Variants in OR4P4 observed in about 807,000 individuals in gnomAD.
OR4P4 encodes the protein olfactory receptor family 4 subfamily P member 4.
A neutral mutation model predicts 2.1 loss-of-function variants in OR4P4; 1 was observed. The observed-to-expected ratio is 0.47, with a 90% confidence interval of 0.17 to 2.21. The LOEUF (loss-of-function observed/expected upper bound fraction) is 2.21, where lower values mean the gene tolerates loss of function less well. Among genes scored for constraint, OR4P4 ranks in the 30% most tolerant of loss-of-function variants. The pLI is 0.27. For synonymous variants in OR4P4, 129 were observed against 133.2 expected, an observed-to-expected ratio of 0.97 and a Z score of 0.22; for missense variants, 375 against 376.5, an observed-to-expected ratio of 1.00 and a Z score of 0.03.
chr11:55,635,408 C>T (rs1858376061), intron 1 of OR4P4, among the ~76,000 whole-genome samples, 192 bp downstream of exon 1: 1 of 137,660 alleles, frequency 7.3e-6, no homozygotes, highest in Non-Finnish European at 1.6e-5. Context: ...GAAAACAAGG[C>T]AAGTACTCCT....
intron 1 of OR4P4, among the ~76,000 whole-genome samples, chr11:55,635,737 C>T (rs1323422815): frequency 2.2e-5 from 3 of 137,234 alleles, no homozygotes; most frequent in South Asian, 2.4e-4. Flanking sequence ...CTTAGCATTG[C>T]CCTCATAAAC....
chr11:55,638,493 T>G lies in OR4P4; in HGVS notation c.136T>G (p.Ser46Ala), dbSNP rs199505410. Reference sequence around the variant, plus strand: ...GATGGGAAACTTACTCATAATGATTTCTATCACGTGCACCCAGCTCATTCA... The same window carrying G: ...GATGGGAAACTTACTCATAATGATTGCTATCACGTGCACCCAGCTCATTCA... Residue 46 changes from serine to alanine, a missense_variant, in exon 2 of 2, where the codon TCT becomes GCT. Ser to Ala is a moderately conservative substitution (Grantham distance 99). Coordinates refer to ENST00000641760, the Ensembl canonical transcript of OR4P4. 410 of 1,482,266 alleles carry G rather than the reference T, an allele frequency of 2.8e-4. 91 individuals are homozygous for G. Among genetic ancestry groups the G allele is most frequent in the Non-Finnish European group, 8.3e-5 (90 of 1,088,536 alleles). The allele number at this position is 1,482,266 out of a possible 1,614,324, so 91.8% of individuals were successfully genotyped here.
At chr11:55,637,431 T>C (rs1235093312) in intron 1 of OR4P4, among the ~76,000 whole-genome samples, 1 of 138,316 alleles carries the variant, frequency 7.2e-6, no homozygotes, top group African/African-American at 2.5e-5. Context: ...CAAAGATTAG[T>C]GTGATTATGG....
At position 55,639,134 on chromosome 11, in the gene OR4P4, G is replaced by A. The variant is rs757510641; in HGVS notation, c.777G>A (p.Pro259=). The A allele has an allele frequency of 8.0e-6, 12 of 1,493,030 alleles. 1 individual carries two copies. In the African/African-American group the frequency reaches 9.6e-5, roughly 12 times the overall value. 92.5% of individuals were successfully genotyped at this position (1,493,030 alleles called of 1,614,324 possible). ...CTGCATTGTTCATTTACATTAGACC[G>A]GTCACAACATTCTCAGAAGATAAAG... is the stretch of plus-strand genomic sequence containing the variant. Residue 259 remains proline, a synonymous_variant, in exon 2 of 2, where the codon CCG becomes CCA. Transcript: ENST00000641760.
rs780505575 is a variant in OR4P4, at chr11:55,638,838, A to G, written c.481A>G (p.Thr161Ala). ...ACATTCTGCCAGTCAGTTTCTTCTC[A>G]CCATCTTTGTACCATTTTGTGGCCC... Residue 161 changes from threonine (T) to alanine (A), a missense_variant, in exon 2 of 2, where the codon ACC becomes GCC. By Grantham distance (58) the Thr-to-Ala change is moderately conservative (BLOSUM62 0). Coordinates refer to ENST00000641760, the Ensembl canonical transcript of OR4P4. The G allele has an allele frequency of 5.6e-5, 84 of 1,492,360 alleles. 16 individuals are homozygous for G. In the South Asian group the frequency reaches 9.4e-4, roughly 17 times the overall value. The allele number at this position is 1,492,360 out of a possible 1,614,324, so 92.4% of individuals were successfully genotyped here. A position where few individuals can be genotyped will look rare whatever the true frequency, so the allele number is the denominator to read the frequency against.
rs60079577 is a variant in OR4P4, at chr11:55,638,555, C to G, written c.198C>G (p.Leu66=). 6,296 of 1,481,210 alleles carry G rather than the reference C, an allele frequency of 4.3e-3. 862 individuals carry two copies. The African/African-American group carries it at 0.075, about 18-fold the overall frequency. 91.8% of individuals were successfully genotyped at this position (1,481,210 alleles called of 1,614,324 possible). A position where few individuals can be genotyped will look rare whatever the true frequency, so the allele number is the denominator to read the frequency against. The change falls in exon 2 of 2, where the codon CTC becomes CTG. Residue 66 remains leucine, a synonymous_variant. Transcript: ENST00000641760. ...ATTTCTTCCTCAATTACCTCTCACT[C>G]TCCGACCTTTGCTACACATCCACAG...
chr11:55,638,456 CATTGCTAT>C lies in OR4P4; in HGVS notation c.100_107del (p.Ile34LeufsTer46). The C allele has an allele frequency of 6.8e-7, 1 of 1,466,342 alleles. No individual in the cohort carries two copies. The highest frequency in any genetic ancestry group is 9.3e-7 in the Non-Finnish European group (1 of 1,074,952). 90.8% of individuals were successfully genotyped at this position (1,466,342 alleles called of 1,614,324 possible). A position where few individuals can be genotyped will look rare whatever the true frequency, so the allele number is the denominator to read the frequency against. On this transcript the variant is annotated frameshift_variant, in exon 2 of 2. Coordinates refer to ENST00000641760, the Ensembl canonical transcript of OR4P4. LOFTEE classifies it low-confidence loss of function (END_TRUNC). ...GCTTTGTATTATTTTTGTTTTGCTA[CATTGCTAT>C]TTGGATGGGAAACTTACTCATAATG... is the stretch of plus-strand genomic sequence containing the variant.
chr11:55,638,952 G>T (rs1248682377), exon 2 of OR4P4: 1 of 1,484,768 alleles, frequency 6.7e-7, no homozygotes, highest in Admixed American at 2.0e-5. Context: ...CTTAGTCATT[G>T]CTAATTCAGG....
intron 1 of OR4P4, among the ~76,000 whole-genome samples, chr11:55,637,853 C>T (rs1162352248): frequency 7.2e-6 from 1 of 138,034 alleles, no homozygotes; most frequent in Non-Finnish European, 1.6e-5. Flanking sequence ...GCAATCAAAT[C>T]CCATTTGTTG....
Position 55,636,652 on chromosome 11 carries a change from G to T in OR4P4, c.-31+1436G>T. 1.5e-5 allele frequency among the ~76,000 whole-genome samples: 2 copies of T among 137,528 alleles called. 1 individual carries two copies. The highest frequency in any genetic ancestry group is 5.0e-5 in the African/African-American group (2 of 39,814). The allele number at this position is 137,528 out of a possible 152,430, so 90.2% of individuals were successfully genotyped here. A position where few individuals can be genotyped will look rare whatever the true frequency, so the allele number is the denominator to read the frequency against. On this transcript the variant is annotated intron_variant, in intron 1 of 1. Transcript: ENST00000641760. The stretch of plus-strand genomic sequence containing the variant: ...AGCCTTAGTTTGCTATATACCATTT[G>T]TGTTACTATGTACAATTTCCTAAAG...
intron 1 of OR4P4, among the ~76,000 whole-genome samples, chr11:55,637,274 T>TTTCA (rs1565072951): frequency 7.2e-6 from 1 of 138,356 alleles, no homozygotes; most frequent in Non-Finnish European, 1.6e-5. Flanking sequence ...AAGAAGTGTA[T>TTTCA]TTCAGGTGGG....
chr11:55,639,944 G>T (rs1590476819), exon 2 of OR4P4: 1 of 135,916 alleles, frequency 7.4e-6, no homozygotes, highest in Admixed American at 8.2e-5. Flanking sequence ...GACCAGCCTG[G>T]CCAAGATGGT....
exon 2 of OR4P4, chr11:55,638,484 A>G: frequency 6.8e-7 from 1 of 1,478,738 alleles, no homozygotes; most frequent in Non-Finnish European, 9.2e-7. Context: ...AAACTTACTC[A>G]TAATGATTTC....
intron 1 of OR4P4, among the ~76,000 whole-genome samples, 155 bp from the exon 2 acceptor site, chr11:55,638,173 G>C (rs1858410241): frequency 7.3e-6 from 1 of 136,910 alleles, no homozygotes; most frequent in Non-Finnish European, 1.6e-5. Context: ...TATACATGGA[G>C]AGTCTTATTA....
In OR4P4 at chr11:55,635,179, C is replaced by T. The variant is rs565487300; in HGVS notation, c.-68C>T. On this transcript the variant is annotated 5_prime_UTR_variant, in exon 1 of 2. Transcript: ENST00000641760. ...TTTGTATTAAATAGGATTCAAGTTA[C>T]ATGCTCTGGTAACGTGGGTCTAAGA... is the stretch of plus-strand genomic sequence containing the variant. 2.0e-4 allele frequency: 28 copies of T among 138,140 alleles called. 3 individuals are homozygous for T. The highest frequency in any genetic ancestry group is 6.7e-4 in the African/African-American group (27 of 40,054). 8.6% of individuals were successfully genotyped at this position (138,140 alleles called of 1,614,324 possible).
chr11:55,635,590 A>C lies in OR4P4; in HGVS notation c.-31+374A>C. On this transcript the variant is annotated intron_variant, in intron 1 of 1. Transcript: ENST00000641760. ...TTCAACATGCTGAAGATGTCAAGTCAGATGTTGCAAAGAAACAATTTAAAT... is the reference window on the plus strand; with the variant it reads ...TTCAACATGCTGAAGATGTCAAGTCCGATGTTGCAAAGAAACAATTTAAAT... Among the ~76,000 whole-genome samples, 2 of 137,722 alleles carry C rather than the reference A, an allele frequency of 1.5e-5. 1 individual carries two copies. Among genetic ancestry groups the C allele is most frequent in the East Asian group, 4.7e-4 (2 of 4,236 alleles). 90.4% of individuals were successfully genotyped at this position (137,722 alleles called of 152,430 possible).
intron 1 of OR4P4, among the ~76,000 whole-genome samples, chr11:55,638,104 A>T (rs1858409429): frequency 7.3e-6 from 1 of 137,200 alleles, no homozygotes; most frequent in Non-Finnish European, 1.6e-5. Context: ...ATTCATACCT[A>T]CTAGGGCAGG....
exon 2 of OR4P4, chr11:55,639,460 T>C: frequency 4.0e-6 from 2 of 500,410 alleles, no homozygotes; most frequent in Non-Finnish European, 7.0e-6. Context: ...AATTGAACAT[T>C]ATTCTTATCC....
exon 2 of OR4P4, chr11:55,638,598 G>T: frequency 6.7e-7 from 1 of 1,483,662 alleles, no homozygotes; most frequent in Non-Finnish European, 9.2e-7. Flanking sequence ...CAAATTAATG[G>T]TTGACTTACT....
Sources: gnomAD v4.1 joint callset for allele counts (sites outside exome capture counted in the v4.1 genomes callset) on GRCh38, gnomAD v4.1.1 for gene constraint, MANE v1.5 for transcripts, NCBI Gene and HGNC (gene_info 2026-07-23, HGNC 2026-07-21) for gene names.